Variants in RORB observed in about 807,000 individuals in gnomAD.
RORB encodes the protein RAR related orphan receptor B.
Under a neutral mutation model 59.1 loss-of-function variants are expected in RORB, and 6 were observed. The ratio of observed to expected loss-of-function variants is 0.10; its 90% CI spans 0.06 to 0.20. RORB has a LOEUF of 0.20. Ranked by LOEUF, RORB falls within the 10% of genes least tolerant of loss-of-function variation. The probability of loss-of-function intolerance (pLI) is 1.00; values close to 1 mark genes in which losing one functional copy is unlikely to be tolerated. For synonymous variants in RORB, 215 were observed against 204.5 expected (o/e 1.05, Z -0.44); for missense variants, 320 against 560.5 (o/e 0.57, Z 4.33).
At chr9:74,648,248 C>T (rs1428049170) in intron 4 of RORB, among the ~76,000 whole-genome samples, 1 of 152,208 alleles carries the variant, frequency 6.6e-6, no homozygotes, top group Admixed American at 6.5e-5. Flanking sequence ...CTCTCACCCC[C>T]ACCCCAACCA....
chr9:74,601,052 T>C (rs1823046171), intron 1 of RORB, among the ~76,000 whole-genome samples: 1 of 152,106 alleles, frequency 6.6e-6, no homozygotes, highest in Non-Finnish European at 1.5e-5. Context: ...TTAAAAATAA[T>C]AACACTCAAT....
Position 74,620,517 on chromosome 9 carries a change from T to G in RORB, c.8-9765T>G, listed in dbSNP as rs186158164. ...CAGCTCCTGGATTCACTGATTTTTT[T>G]GAAGGGTTTTTTTGTGTCTCTATTT... On this transcript the variant is annotated intron_variant, in intron 1 of 9. Transcript: ENST00000376896. 5.3e-3 allele frequency among the ~76,000 whole-genome samples: 807 copies of G among 152,316 alleles called. 3 individuals carry two copies. Among genetic ancestry groups the G allele is most frequent in the Non-Finnish European group, 7.8e-3 (533 of 68,020 alleles).
At chr9:74,594,668 T>G (rs2118300593) in intron 1 of RORB, among the ~76,000 whole-genome samples, 1 of 152,336 alleles carries the variant, frequency 6.6e-6, no homozygotes, top group African/African-American at 2.4e-5. Context: ...ATAGTATTAC[T>G]TGCAGTTTTA....
At chr9:74,543,350 G>A (rs1826439300) in intron 1 of RORB, among the ~76,000 whole-genome samples, 1 of 152,212 alleles carries the variant, frequency 6.6e-6, no homozygotes, top group Non-Finnish European at 1.5e-5. Context: ...AGGAGGAGCT[G>A]CATCATCACA....
chr9:74,573,373 G>A (rs1286911610), intron 1 of RORB, among the ~76,000 whole-genome samples: 7 of 150,354 alleles, frequency 4.7e-5, no homozygotes, highest in African/African-American at 9.8e-5. Flanking sequence ...GACAACGTCA[G>A]TGCTTGAATT....
At position 74,660,677 on chromosome 9, in the gene RORB, A is replaced by G; in HGVS notation, c.698A>G (p.Glu233Gly). The change falls in exon 5 of 10, where the codon GAG (glutamate) becomes GGG (glycine). Residue 233 changes from glutamate to glycine, a missense_variant. Around this residue, in one of 4 missense-constraint regions of RORB, gnomAD observed 40 missense variants for 116.9 expected, o/e 0.34. Coordinates refer to ENST00000376896, the MANE Select transcript of RORB (RefSeq NM_006914.4). Reference protein sequence around the residue: ...HLETCQYTMEELHQLAWQTHT... With the variant: ...HLETCQYTMEGLHQLAWQTHT... Reference sequence around the variant, plus strand: ...GAGACATGTCAATACACCATGGAAGAGCTGCACCAGCTGGCGTGGCAGACC... The same window carrying G: ...GAGACATGTCAATACACCATGGAAGGGCTGCACCAGCTGGCGTGGCAGACC... 1 of 1,614,002 alleles carries G rather than the reference A, an allele frequency of 6.2e-7. No individual in the cohort carries two copies. Among genetic ancestry groups the G allele is most frequent in the Non-Finnish European group, 8.5e-7 (1 of 1,179,912 alleles).
At chr9:74,526,259 T>G (rs1444029491) in intron 1 of RORB, among the ~76,000 whole-genome samples, 3 of 151,932 alleles carry the variant, frequency 2.0e-5, no homozygotes. Flanking sequence ...CTCTAAAGCT[T>G]GAGATTCATT....
chr9:74,596,261 G>A lies in RORB; in HGVS notation c.8-34021G>A, dbSNP rs537611851. On this transcript the variant is annotated intron_variant, in intron 1 of 9. Transcript: ENST00000376896. The stretch of plus-strand genomic sequence containing the variant: ...GAGGGAAGAAGAGTCCAGGGCAAAG[G>A]TAGAGACATTCGTCAGCTCCAGAAA... 5.3e-5 allele frequency among the ~76,000 whole-genome samples: 8 copies of A among 152,118 alleles called. 1 individual carries two copies. In the East Asian group the frequency reaches 1.2e-3, roughly 22 times the overall value.
At position 74,654,380 on chromosome 9, in the gene RORB, A is replaced by T. The variant is rs975000860; in HGVS notation, c.638-6237A>T. Reference sequence around the variant, plus strand: ...AGAGAGAGAGAGAGAGAGTAAGGAGACTCAGCTAATTTCTAGGATTATTTA... The same window carrying T: ...AGAGAGAGAGAGAGAGAGTAAGGAGTCTCAGCTAATTTCTAGGATTATTTA... On this transcript the variant is annotated intron_variant, in intron 4 of 9. Coordinates refer to ENST00000376896, the MANE Select transcript of RORB (RefSeq NM_006914.4). Among the ~76,000 whole-genome samples the T allele has an allele frequency of 2.1e-4, 31 of 150,116 alleles. 1 individual carries two copies. Among genetic ancestry groups the T allele is most frequent in the Non-Finnish European group, 3.0e-5 (2 of 67,724 alleles).
intron 9 of RORB, among the ~76,000 whole-genome samples, chr9:74,675,318 C>CATAT (rs1009319536): frequency 2.7e-5 from 4 of 148,060 alleles, no homozygotes; most frequent in East Asian, 2.0e-4. Context: ...AAAATACATA[C>CATAT]ATATATATAT....
intron 1 of RORB, among the ~76,000 whole-genome samples, chr9:74,572,760 C>T (rs1822572118): frequency 6.6e-6 from 1 of 152,132 alleles, no homozygotes; most frequent in South Asian, 2.1e-4. Flanking sequence ...GTAGGTTTCA[C>T]TTAATTACTT....
At chr9:74,677,353 T>G (rs989591944) in intron 9 of RORB, among the ~76,000 whole-genome samples, 1 of 152,214 alleles carries the variant, frequency 6.6e-6, no homozygotes, top group Non-Finnish European at 1.5e-5. Context: ...GGCTTTAGAC[T>G]TATATATACT....
chr9:74,498,823 T>TGGCGGCGGC (rs1055398773), intron 1 of RORB: 1 of 160,430 alleles, frequency 6.2e-6, no homozygotes, highest in Admixed American at 6.5e-5. Flanking sequence ...TCGCAGGCGG[T>TGGCGGCGGC]GGCGGCGGCG....
At chr9:74,655,873 G>T (rs1824070019) in intron 4 of RORB, among the ~76,000 whole-genome samples, 1 of 152,160 alleles carries the variant, frequency 6.6e-6, no homozygotes, top group Admixed American at 6.5e-5. Flanking sequence ...GTCGGTTTTT[G>T]CACATGGCTC....
intron 1 of RORB, among the ~76,000 whole-genome samples, chr9:74,602,440 C>A (rs1823080507): frequency 6.6e-6 from 1 of 152,128 alleles, no homozygotes; most frequent in Non-Finnish European, 1.5e-5. Flanking sequence ...CAGAGGTGGA[C>A]ATTTTGATAG....
chr9:74,609,273 C>T (rs566363894), intron 1 of RORB, among the ~76,000 whole-genome samples: 85 of 152,324 alleles, frequency 5.6e-4, no homozygotes, highest in South Asian at 2.3e-3. Context: ...CTTCCCAACA[C>T]TGCATAGCTA....
intron 1 of RORB, among the ~76,000 whole-genome samples, chr9:74,562,724 A>T (rs1448662570): frequency 6.6e-6 from 1 of 152,226 alleles, no homozygotes; most frequent in African/African-American, 2.4e-5. Context: ...CTTAGCAAGA[A>T]TGAGAGCACA....
intron 1 of RORB, among the ~76,000 whole-genome samples, chr9:74,580,589 T>A (rs1411244056): frequency 6.6e-6 from 1 of 152,098 alleles, no homozygotes; most frequent in Non-Finnish European, 1.5e-5. Context: ...CAAAAATAAT[T>A]CTATAATGAT....
intron 1 of RORB, among the ~76,000 whole-genome samples, chr9:74,515,180 G>T (rs1198058337): frequency 6.6e-6 from 1 of 151,052 alleles, no homozygotes; most frequent in Non-Finnish European, 1.5e-5. Context: ...TAGCACTTAC[G>T]TGTCATGTTT....
Sources: allele counts gnomAD v4.1 joint callset (sites outside exome capture counted in the v4.1 genomes callset), GRCh38; gene constraint gnomAD v4.1.1; regional missense constraint gnomAD v4.1.1; transcripts MANE v1.5; gene names NCBI Gene and HGNC (gene_info 2026-07-23, HGNC 2026-07-21).